The following CACNA1E variants were observed in gnomAD, a reference collection of about 807,000 sequenced individuals.
CACNA1E encodes calcium voltage-gated channel subunit alpha1 E.
CACNA1E carries 40 observed loss-of-function variants against 259.2 expected under a neutral mutation model. That is an observed-to-expected ratio of 0.15 (90% CI 0.12 to 0.20). The LOEUF (loss-of-function observed/expected upper bound fraction) is 0.20, where lower values mean the gene tolerates loss of function less well. Ranked by LOEUF, CACNA1E falls within the 10% of genes least tolerant of loss-of-function variation. The pLI is 1.00. For missense variants in CACNA1E, 1,874 were observed against 3,040.1 expected (o/e 0.62, Z 9.02); for synonymous variants, 1,104 against 1,138.5 (o/e 0.97, Z 0.61).
Position 181,644,527 on chromosome 1 carries a change from A to G in CACNA1E, c.952-6811A>G, listed in dbSNP as rs79966628. Among the ~76,000 whole-genome samples the G allele has an allele frequency of 8.6e-3, 1,307 of 152,296 alleles. 17 individuals carry two copies. Among genetic ancestry groups the G allele is most frequent in the African/African-American group, 0.03 (1,253 of 41,550 alleles). ...CTAAAATGTGGGTGTGGTCAGAGGA[A>G]TCATACCTTGGCTTTGAGGTAGAAA... On this transcript the variant is annotated intron_variant, in intron 6 of 47. Coordinates refer to ENST00000367573, the MANE Select transcript of CACNA1E (RefSeq NM_001205293.3).
intron 1 of CACNA1E, among the ~76,000 whole-genome samples, chr1:181,345,039 C>A (rs998444409): frequency 6.6e-6 from 1 of 152,226 alleles, no homozygotes; most frequent in Non-Finnish European, 1.5e-5. Context: ...GTGAGTGGGG[C>A]AGGCAGGACT....
chr1:181,532,830 C>T (rs567952986), intron 3 of CACNA1E, among the ~76,000 whole-genome samples: 33 of 152,352 alleles, frequency 2.2e-4, no homozygotes, highest in East Asian at 1.7e-3. Context: ...CCTGCTACTA[C>T]GCTAATTTTA....
intron 6 of CACNA1E, among the ~76,000 whole-genome samples, chr1:181,589,488 A>G (rs1045132077): frequency 6.6e-6 from 1 of 152,136 alleles, no homozygotes; most frequent in Non-Finnish European, 1.5e-5. Flanking sequence ...GGGCAAACTA[A>G]ATATAGCGAA....
intron 7 of CACNA1E, among the ~76,000 whole-genome samples, chr1:181,682,830 G>A (rs943427487): frequency 2.0e-5 from 3 of 152,172 alleles, no homozygotes; most frequent in Non-Finnish European, 2.9e-5. Context: ...GAGCAGCACC[G>A]AGGGGATGCT....
At chr1:181,785,579 A>T in intron 42 of CACNA1E, 134 bp from the exon 43 acceptor site, 1 of 863,896 alleles carries the variant, frequency 1.2e-6, no homozygotes, top group South Asian at 1.4e-5. Context: ...TTAGAAACCC[A>T]GTGGATCGAA....
intron 2 of CACNA1E, among the ~76,000 whole-genome samples, chr1:181,473,667 G>A (rs559224920): frequency 5.9e-5 from 9 of 152,284 alleles, no homozygotes; most frequent in South Asian, 4.1e-4. Flanking sequence ...GAGGCCCTTC[G>A]GCACCATCTG....
At chr1:181,630,305 G>T (rs1402130643) in intron 6 of CACNA1E, among the ~76,000 whole-genome samples, 2 of 152,000 alleles carry the variant, frequency 1.3e-5, no homozygotes, top group African/African-American at 4.8e-5. Flanking sequence ...ACAATTCTGT[G>T]GTGCCAGGTG....
chr1:181,582,200 A>G (rs900273651), intron 6 of CACNA1E, among the ~76,000 whole-genome samples: 1 of 152,240 alleles, frequency 6.6e-6, no homozygotes, highest in Non-Finnish European at 1.5e-5. Flanking sequence ...AAGGGCAGTG[A>G]AGAAGTCCCA....
chr1:181,461,538 C>A (rs1661814780), intron 2 of CACNA1E, among the ~76,000 whole-genome samples: 1 of 75,564 alleles, frequency 1.3e-5, no homozygotes, highest in Non-Finnish European at 2.2e-5. Context: ...AAGACTCCAT[C>A]TCAAAAAAAA....
chr1:181,548,706 G>A (rs1190595337), intron 3 of CACNA1E, among the ~76,000 whole-genome samples: 1 of 152,344 alleles, frequency 6.6e-6, no homozygotes, highest in Admixed American at 6.5e-5. Context: ...CCCCAGACTG[G>A]GACTAAGGCC....
In CACNA1E at chr1:181,736,539, C is replaced by T. The variant is rs552868145; in HGVS notation, c.3422+105C>T. On this transcript the variant is annotated intron_variant, in intron 22 of 47. Coordinates refer to ENST00000367573, the MANE Select transcript of CACNA1E (RefSeq NM_001205293.3). ...GGAAGGATGGGGGCCCAGCCATCTT[C>T]TTAAGCCTTCCTGGTGGAGCATGGC... is the stretch of plus-strand genomic sequence containing the variant. The T allele has an allele frequency of 5.7e-6, 6 of 1,048,990 alleles. No homozygotes were observed. The South Asian group carries it at 1.0e-4, about 18-fold the overall frequency. 65.0% of individuals were successfully genotyped at this position (1,048,990 alleles called of 1,614,324 possible). A position where few individuals can be genotyped will look rare whatever the true frequency, so the allele number is the denominator to read the frequency against.
chr1:181,750,431 G>A, intron 25 of CACNA1E, 45 bp from the exon 26 acceptor site: 1 of 1,600,498 alleles, frequency 6.2e-7, no homozygotes, highest in Non-Finnish European at 8.5e-7. Context: ...TTTTTGTTTT[G>A]TTTTATTTTG....
intron 6 of CACNA1E, among the ~76,000 whole-genome samples, chr1:181,582,778 C>T (rs1651667305): frequency 6.6e-6 from 1 of 152,170 alleles, no homozygotes; most frequent in Non-Finnish European, 1.5e-5. Flanking sequence ...GTGCTCTCTT[C>T]AAATCCCTCT....
chr1:181,737,728 C>T (rs1040578323), intron 23 of CACNA1E, 74 bp downstream of exon 23: 61 of 1,545,834 alleles, frequency 3.9e-5, no homozygotes, highest in Non-Finnish European at 5.3e-5. Context: ...TGGAGGTGAA[C>T]CGAGATGGTA....
At chr1:181,573,255 C>T (rs1650600046) in intron 3 of CACNA1E, among the ~76,000 whole-genome samples, 1 of 152,212 alleles carries the variant, frequency 6.6e-6, no homozygotes, top group Non-Finnish European at 1.5e-5. Flanking sequence ...TTCCCATTCT[C>T]ATAGCACTTT....
At chr1:181,467,892 T>G (rs1418923066) in intron 2 of CACNA1E, among the ~76,000 whole-genome samples, 1 of 152,032 alleles carries the variant, frequency 6.6e-6, no homozygotes, top group African/African-American at 2.4e-5. Context: ...CACAGCTGAG[T>G]GGGGGAAGTA....
chr1:181,502,613 T>C (rs1315297618), intron 1 of CACNA1E, among the ~76,000 whole-genome samples: 1 of 152,238 alleles, frequency 6.6e-6, no homozygotes, highest in Admixed American at 6.5e-5. Context: ...TTCTACTTTA[T>C]GCCATGATCT....
intron 32 of CACNA1E, among the ~76,000 whole-genome samples, chr1:181,760,490 A>T (rs925004813): frequency 2.0e-5 from 3 of 152,212 alleles, no homozygotes; most frequent in African/African-American, 7.2e-5. Context: ...GTTCAGAAAA[A>T]TTGTATAGCT....
chr1:181,605,581 C>T (rs536649611), intron 6 of CACNA1E, among the ~76,000 whole-genome samples: 16 of 152,264 alleles, frequency 1.1e-4, no homozygotes, highest in Admixed American at 3.9e-4. Flanking sequence ...ATTTAATCAA[C>T]ACCCAGTGTT....
Sources: allele counts gnomAD v4.1 joint callset (sites outside exome capture counted in the v4.1 genomes callset), GRCh38; gene constraint gnomAD v4.1.1; transcripts MANE v1.5; gene names NCBI Gene and HGNC (gene_info 2026-07-23, HGNC 2026-07-21).